Variants in PGR observed in about 807,000 individuals in gnomAD.
PGR encodes the protein progesterone receptor, also known as nuclear receptor subfamily 3 group C member 3.
PGR carries 25 observed loss-of-function variants against 76.1 expected under a neutral mutation model. The ratio of observed to expected loss-of-function variants is 0.33; its 90% confidence interval spans 0.24 to 0.46. PGR has a LOEUF of 0.46. PGR is among the 20% of genes least tolerant of loss of function. The pLI, the probability that PGR is intolerant of heterozygous loss-of-function variation, is 1.00. For synonymous variants in PGR, 579 were observed against 535.0 expected (o/e 1.08, Z -1.14); for missense variants, 1,172 against 1,225.3 (o/e 0.96, Z 0.65).
chr11:101,054,408 CATA>C (rs1429416811), intron 4 of PGR, among the ~76,000 whole-genome samples: 68 of 152,080 alleles, frequency 4.5e-4, no homozygotes, highest in Non-Finnish European at 6.3e-4. Context: ...TATAGGTCTA[CATA>C]ATAACTTTTT....
intron 3 of PGR, among the ~76,000 whole-genome samples, chr11:101,090,922 A>G (rs922186078): frequency 1.3e-5 from 2 of 152,220 alleles, no homozygotes; most frequent in Non-Finnish European, 2.9e-5. Flanking sequence ...AAATACACAC[A>G]ACGTCCATGG....
intron 2 of PGR, among the ~76,000 whole-genome samples, chr11:101,116,255 C>T (rs1056832557): frequency 6.6e-6 from 1 of 152,184 alleles, no homozygotes; most frequent in Non-Finnish European, 1.5e-5. Flanking sequence ...GCTTTTGCTT[C>T]AATATTCTTC....
Position 101,127,926 on chromosome 11 carries a change from G to T in PGR, c.1145C>A (p.Pro382Gln). Residue 382 changes from proline (P) to glutamine (Q), a missense_variant, in exon 1 of 8, where the codon CCG (proline) becomes CAG (glutamine). This residue lies in a region of PGR where 893 missense variants were observed against 785.9 expected (regional missense o/e 1.14). Coordinates refer to ENST00000325455, the MANE Select transcript of PGR (RefSeq NM_000926.4). Reference sequence around the variant, plus strand: ...CTCCTCCTTTATCTTTAGAGCGGGCGGCTGGAAGTCGCTATAGAGAGGGTA... The same window carrying T: ...CTCCTCCTTTATCTTTAGAGCGGGCTGCTGGAAGTCGCTATAGAGAGGGTA... ...DAYPLYSDFQPPALKIKEEEE... is the reference protein window; with the variant it reads ...DAYPLYSDFQQPALKIKEEEE... 1 of 1,611,650 alleles carries T rather than the reference G, an allele frequency of 6.2e-7. No homozygotes were observed. The highest frequency in any genetic ancestry group is 8.5e-7 in the Non-Finnish European group (1 of 1,179,778).
At position 101,128,391 on chromosome 11, in the gene PGR, G is replaced by C. The variant is rs781341961; in HGVS notation, c.680C>G (p.Ser227Cys). The C allele has an allele frequency of 6.2e-7, 1 of 1,609,816 alleles. No homozygotes were observed. Among genetic ancestry groups the C allele is most frequent in the South Asian group, 1.1e-5 (1 of 91,050 alleles). Residue 227 changes from serine to cysteine, a missense_variant, in exon 1 of 8, where the codon TCT becomes TGT. By Grantham distance (112) the Ser-to-Cys change is moderately radical. Around this residue, in one of 4 missense-constraint regions of PGR, gnomAD observed 893 missense variants for 785.9 expected, o/e 1.14. Transcript: ENST00000325455. ...CGGACCCGCAGACTCCTCGGACTCA[G>C]AGCCATCCTCCTCCTCAACCTCCAC... ...AAVEVEEEDG[S>C]ESEESAGPLL...
chr11:101,058,951 G>A (rs947410285), intron 4 of PGR, among the ~76,000 whole-genome samples: 24 of 152,092 alleles, frequency 1.6e-4, no homozygotes, highest in African/African-American at 5.8e-4. Context: ...GTACAAATGT[G>A]TTTTCTCAAT....
chr11:101,082,148 C>T (rs1221760681), intron 3 of PGR, among the ~76,000 whole-genome samples: 2 of 152,114 alleles, frequency 1.3e-5, no homozygotes, highest in Non-Finnish European at 1.5e-5. Context: ...CTCTCTGCTG[C>T]TCTGCCCTGG....
chr11:101,108,034 A>G (rs2135482104), intron 2 of PGR, among the ~76,000 whole-genome samples: 1 of 152,096 alleles, frequency 6.6e-6, no homozygotes, highest in South Asian at 2.1e-4. Context: ...CAGGCAGATC[A>G]CTTAAGGTCA....
intron 2 of PGR, among the ~76,000 whole-genome samples, chr11:101,099,101 A>G (rs549012479): frequency 6.6e-6 from 1 of 152,344 alleles, no homozygotes; most frequent in South Asian, 2.1e-4. Context: ...TGCAAAAAAT[A>G]AAAGATTTGT....
chr11:101,098,124 T>C (rs1330827372), intron 2 of PGR, among the ~76,000 whole-genome samples: 2 of 152,148 alleles, frequency 1.3e-5, no homozygotes, highest in Non-Finnish European at 2.9e-5. Context: ...AAAAGCACTA[T>C]CAAAATGTGA....
intron 2 of PGR, among the ~76,000 whole-genome samples, chr11:101,119,388 TG>T (rs1862606263): frequency 6.7e-6 from 1 of 149,642 alleles, no homozygotes; most frequent in Non-Finnish European, 1.5e-5. Context: ...GGAGTTACTT[TG>T]TTTTTTTTCT....
Position 101,039,404 on chromosome 11 carries a change from T to A in PGR, c.2647-133A>T, listed in dbSNP as rs185933908. 2.0e-3 allele frequency: 1,355 copies of A among 679,514 alleles called. 6 individuals are homozygous for A. Among genetic ancestry groups the A allele is most frequent in the African/African-American group, 0.013 (699 of 55,154 alleles). The allele number at this position is 679,514 out of a possible 1,614,324, so 42.1% of individuals were successfully genotyped here. ...TCAAGGTGTTTTTTTCTTACCATAG[T>A]GAAAATAACTCCCACCATTTTCTAG... On this transcript the variant is annotated intron_variant, in intron 7 of 7. Coordinates refer to ENST00000325455, the MANE Select transcript of PGR (RefSeq NM_000926.4).
chr11:101,104,458 A>C (rs1419619517), intron 2 of PGR, among the ~76,000 whole-genome samples: 1 of 152,234 alleles, frequency 6.6e-6, no homozygotes, highest in East Asian at 1.9e-4. Flanking sequence ...AAGTGAGCTA[A>C]ATTAGATGAA....
chr11:101,050,163 T>C, intron 5 of PGR, 104 bp from the exon 6 acceptor site: 1 of 1,130,560 alleles, frequency 8.8e-7, no homozygotes, highest in South Asian at 1.3e-5. Flanking sequence ...GTAATTACCT[T>C]ACATATTATT....
intron 2 of PGR, among the ~76,000 whole-genome samples, chr11:101,109,526 C>G (rs1215496736): frequency 2.0e-5 from 3 of 152,170 alleles, no homozygotes; most frequent in Admixed American, 2.0e-4. Flanking sequence ...CAAACCTAAT[C>G]CAGAGCAAGG....
intron 4 of PGR, 90 bp downstream of exon 4, chr11:101,062,357 T>G: frequency 1.0e-6 from 1 of 965,230 alleles, no homozygotes; most frequent in Admixed American, 1.8e-5. Flanking sequence ...GTAGTTAATT[T>G]ACTGCATAGA....
rs375705420 is a variant in PGR at position 101,067,005 on chromosome 11, C to T, written c.1907-4253G>A. Among the ~76,000 whole-genome samples, 6 of 152,252 alleles carry T rather than the reference C, an allele frequency of 3.9e-5. No individual in the cohort carries two copies. The East Asian group carries it at 9.7e-4, about 25-fold the overall frequency. ...TTGATATTTTCAGTGACTCCTGATCCTACTTAGAATGAAGTTAAAATTCAT... is the reference window on the plus strand; with the variant it reads ...TTGATATTTTCAGTGACTCCTGATCTTACTTAGAATGAAGTTAAAATTCAT... On this transcript the variant is annotated intron_variant, in intron 3 of 7. Coordinates refer to ENST00000325455, the MANE Select transcript of PGR (RefSeq NM_000926.4).
chr11:101,054,029 A>T (rs1860200650), intron 4 of PGR, among the ~76,000 whole-genome samples: 1 of 152,128 alleles, frequency 6.6e-6, no homozygotes, highest in Non-Finnish European at 1.5e-5. Context: ...ATGACTATTT[A>T]TTCTTGATGT....
At chr11:101,081,285 C>T (rs1861297772) in intron 3 of PGR, among the ~76,000 whole-genome samples, 1 of 151,906 alleles carries the variant, frequency 6.6e-6, no homozygotes, top group Non-Finnish European at 1.5e-5. Context: ...AAAAATTAGC[C>T]AGACACGGTG....
chr11:101,107,260 TC>T (rs542583984), intron 2 of PGR, among the ~76,000 whole-genome samples: 1 of 152,190 alleles, frequency 6.6e-6, no homozygotes, highest in Non-Finnish European at 1.5e-5. Flanking sequence ...AATAATGTGT[TC>T]TTTTTTCTTC....
Sources: gnomAD v4.1 joint callset for allele counts (sites outside exome capture counted in the v4.1 genomes callset) on GRCh38, gnomAD v4.1.1 for gene constraint, gnomAD v4.1.1 regional missense constraint, MANE v1.5 for transcripts, NCBI Gene and HGNC (gene_info 2026-07-23, HGNC 2026-07-21) for gene names.